The following BACE2 variants were observed in gnomAD, a reference collection of about 807,000 sequenced individuals.
BACE2 encodes beta-secretase 2, also known as 56 kDa aspartic-like protease.
Under a neutral mutation model 46.2 loss-of-function variants are expected in BACE2, and 17 were observed. The observed-to-expected ratio is 0.37, with a 90% CI of 0.25 to 0.55. The LOEUF (loss-of-function observed/expected upper bound fraction) is 0.55. Ranked by LOEUF, BACE2 falls within the 20% of genes least tolerant of loss-of-function variation. The probability of loss-of-function intolerance (pLI) is 0.82; values close to 1 mark genes in which losing one functional copy is unlikely to be tolerated. For missense variants in BACE2, 595 were observed against 698.1 expected, an observed-to-expected ratio of 0.85 and a Z score of 1.66; for synonymous variants, 277 against 295.9, an observed-to-expected ratio of 0.94 and a Z score of 0.66.
chr21:41,225,090 C>G (rs148888283), intron 1 of BACE2, among the ~76,000 whole-genome samples: 1 of 152,126 alleles, frequency 6.6e-6, no homozygotes, highest in East Asian at 1.9e-4. Context: ...AAAAACTATC[C>G]GGGCTCGGTG....
rs572987921 is a variant in BACE2 at position 41,275,215 on chromosome 21, C to T, written c.1304-156C>T. ...CTGGACCCCCAAAGGCACGCTGAGC[C>T]GTGACCCCACTCAGTGCTTCCTGAG... On this transcript the variant is annotated intron_variant, in intron 8 of 8. Coordinates refer to ENST00000330333, the MANE Select transcript of BACE2 (RefSeq NM_012105.5). 9.2e-5 allele frequency among the ~76,000 whole-genome samples: 14 copies of T among 152,320 alleles called. No individual in the cohort carries two copies. The East Asian group carries it at 1.9e-3, about 21-fold the overall frequency.
intron 3 of BACE2, among the ~76,000 whole-genome samples, chr21:41,239,995 G>A (rs1189093593): frequency 6.6e-6 from 1 of 152,226 alleles, no homozygotes. Flanking sequence ...CCCCTTCGGG[G>A]TTTGCTCAGA....
At position 41,281,802 on chromosome 21, in the gene BACE2, AT is replaced by A. The variant is rs977649810; in HGVS notation, c.*6185del. 6 of 152,064 alleles carry A rather than the reference AT, an allele frequency of 3.9e-5. No individual in the cohort carries two copies. Among genetic ancestry groups the A allele is most frequent in the East Asian group, 1.9e-4 (1 of 5,188 alleles). The allele number at this position is 152,064 out of a possible 1,614,324, so 9.4% of individuals were successfully genotyped here. On this transcript the variant is annotated 3_prime_UTR_variant, in exon 9 of 9. Transcript: ENST00000330333. ...TTTGTTGCTAGTGGTATAAAACGAG[AT>A]TTTTTTCCCTCATTTTTCTCATTGT... is the stretch of plus-strand genomic sequence containing the variant.
At position 41,245,701 on chromosome 21, in the gene BACE2, G is replaced by C. The variant is rs192903621; in HGVS notation, c.883-261G>C. On this transcript the variant is annotated intron_variant, in intron 5 of 8. Coordinates refer to ENST00000330333, the MANE Select transcript of BACE2 (RefSeq NM_012105.5). ...TGAGTAAGGAAAGAGCTGTGCCTTG[G>C]GAGGGCTATTGATTTGCTAATTTGG... 5.6e-3 allele frequency among the ~76,000 whole-genome samples: 854 copies of C among 152,362 alleles called. 7 individuals carry two copies. The highest frequency in any genetic ancestry group is 9.4e-3 in the Non-Finnish European group (641 of 68,040).
intron 1 of BACE2, among the ~76,000 whole-genome samples, chr21:41,198,849 T>TTTTATTTATTTATTTA (rs3838112): frequency 7.9e-5 from 11 of 140,038 alleles, no homozygotes; most frequent in Non-Finnish European, 1.3e-4. Context: ...TCTGTACGCT[T>TTTTATTTATTTATTTA]TTTATTTATT....
chr21:41,226,665 A>G (rs1986828216), intron 2 of BACE2, among the ~76,000 whole-genome samples: 1 of 152,174 alleles, frequency 6.6e-6, no homozygotes. Context: ...TTTGGTGTTT[A>G]TTGCAGCAGC....
Position 41,224,283 on chromosome 21 carries a change from C to T in BACE2, c.313-1983C>T, listed in dbSNP as rs556917324. Among the ~76,000 whole-genome samples, 4 of 136,440 alleles carry T rather than the reference C, an allele frequency of 2.9e-5. No individual in the cohort carries two copies. The East Asian group carries it at 8.5e-4, about 29-fold the overall frequency. 89.5% of individuals were successfully genotyped at this position (136,440 alleles called of 152,430 possible). On this transcript the variant is annotated intron_variant, in intron 1 of 8. Transcript: ENST00000330333. ...AGGCTGGAATGCAGTGGTGCGATCT[C>T]GGCTCACTGCAACCTCTGCCTCCTG... is the stretch of plus-strand genomic sequence containing the variant.
chr21:41,178,967 G>T, intron 1 of BACE2: 1 of 652,186 alleles, frequency 1.5e-6, no homozygotes, highest in Non-Finnish European at 2.2e-6. Context: ...AGACCTCTCT[G>T]AGGAGGTGCA....
At chr21:41,188,994 G>A (rs568807393) in intron 1 of BACE2, among the ~76,000 whole-genome samples, 1 of 152,192 alleles carries the variant, frequency 6.6e-6, no homozygotes, top group Non-Finnish European at 1.5e-5. Flanking sequence ...CGCTCCTGTG[G>A]CCAGGCAGCA....
rs2088542860 is a variant in BACE2 at position 41,281,059 on chromosome 21, C to T, written c.*5435C>T. 6.6e-6 allele frequency: 1 copy of T among 152,220 alleles called. No homozygotes were observed. The highest frequency in any genetic ancestry group is 1.5e-5 in the Non-Finnish European group (1 of 68,060). The allele number at this position is 152,220 out of a possible 1,614,324, so 9.4% of individuals were successfully genotyped here. A position where few individuals can be genotyped will look rare whatever the true frequency, so the allele number is the denominator to read the frequency against. ...GGACACTATTGTGAGAGCAGCCATC[C>T]TGGTGTCTCTGCCAGCATCTTGGGG... On this transcript the variant is annotated 3_prime_UTR_variant, in exon 9 of 9. Coordinates refer to ENST00000330333, the MANE Select transcript of BACE2 (RefSeq NM_012105.5).
chr21:41,203,926 G>A (rs1055070603), intron 1 of BACE2, among the ~76,000 whole-genome samples: 1 of 152,184 alleles, frequency 6.6e-6, no homozygotes. Context: ...GTTTTTGGGG[G>A]GTGGTGGCCC....
At chr21:41,230,789 C>A (rs2123582255) in intron 2 of BACE2, among the ~76,000 whole-genome samples, 2 of 152,184 alleles carry the variant, frequency 1.3e-5, no homozygotes, top group Middle Eastern at 3.4e-3. Context: ...TCCATCTTTT[C>A]ATGGTGGTGA....
intron 1 of BACE2, among the ~76,000 whole-genome samples, chr21:41,196,260 T>A (rs1396639447): frequency 1.3e-5 from 2 of 149,836 alleles, no homozygotes; most frequent in African/African-American, 4.9e-5. Flanking sequence ...ATTGCACCAA[T>A]GCACTCCAGC....
At chr21:41,203,427 C>T (rs7276735) in intron 1 of BACE2, among the ~76,000 whole-genome samples, 5,909 of 152,048 alleles carry the variant, frequency 0.039, 357 homozygotes, top group African/African-American at 0.13. Flanking sequence ...GCTGGAGGAA[C>T]CCAAGGCGGC....
chr21:41,237,591 A>G lies in BACE2; in HGVS notation c.480A>G (p.Glu160=), dbSNP rs770127116. 1 of 1,614,212 alleles carries G rather than the reference A, an allele frequency of 6.2e-7. No individual in the cohort carries two copies. The highest frequency in any genetic ancestry group is 8.5e-7 in the Non-Finnish European group (1 of 1,180,010). The part of the protein sequence containing the change: ...TQGSWTGFVG[E]DLVTIPKGFN... ...GAAGCTGGACGGGCTTCGTTGGGGA[A>G]GACCTCGTCACCATCCCCAAAGGCT... is the stretch of plus-strand genomic sequence containing the variant. Residue 160 remains glutamate (E), a synonymous_variant, in exon 3 of 9, where the codon GAA becomes GAG. Coordinates refer to ENST00000330333, the MANE Select transcript of BACE2 (RefSeq NM_012105.5).
At chr21:41,204,623 TG>T (rs1986068291) in intron 1 of BACE2, among the ~76,000 whole-genome samples, 1 of 152,232 alleles carries the variant, frequency 6.6e-6, no homozygotes, top group Non-Finnish European at 1.5e-5. Context: ...AAGGTTAATA[TG>T]TTGCAATTTT....
intron 2 of BACE2, among the ~76,000 whole-genome samples, chr21:41,234,097 G>C (rs1240363835): frequency 1.3e-5 from 2 of 152,128 alleles, no homozygotes; most frequent in African/African-American, 2.4e-5. Context: ...ATTGAATCAA[G>C]GGGGCGGTTT....
At chr21:41,186,986 A>T (rs962178839) in intron 1 of BACE2, among the ~76,000 whole-genome samples, 4 of 152,230 alleles carry the variant, frequency 2.6e-5, no homozygotes, top group Admixed American at 1.3e-4. Context: ...GGTGTGTCCT[A>T]TGGAAAACTG....
At chr21:41,245,814 G>A (rs1987448456) in intron 5 of BACE2, 148 bp from the exon 6 acceptor site, 2 of 544,886 alleles carry the variant, frequency 3.7e-6, no homozygotes, top group Admixed American at 6.9e-5. Flanking sequence ...CCAGTTCTGA[G>A]AACATGAATG....
Sources: allele counts gnomAD v4.1 joint callset (sites outside exome capture counted in the v4.1 genomes callset), GRCh38; gene constraint gnomAD v4.1.1; transcripts MANE v1.5; gene names NCBI Gene and HGNC (gene_info 2026-07-23, HGNC 2026-07-21).